Variants in KLHL36 observed in about 807,000 individuals in gnomAD.
KLHL36 encodes the protein kelch-like protein 36.
KLHL36 carries 35 observed loss-of-function variants against 53.3 expected under a neutral mutation model. The observed-to-expected ratio is 0.66, with a 90% CI of 0.50 to 0.87. The LOEUF (loss-of-function observed/expected upper bound fraction) is 0.87, where lower values mean the gene tolerates loss of function less well. Among genes scored for constraint, KLHL36 ranks in the 40% least tolerant of loss-of-function variants. KLHL36 has a pLI of 0.00. For missense variants in KLHL36, 864 were observed against 897.6 expected (o/e 0.96, Z 0.48); for synonymous variants, 472 against 398.9 (o/e 1.18, Z -2.18).
chr16:84,655,357 T>A (rs1907139042), intron 2 of KLHL36, among the ~76,000 whole-genome samples: 1 of 152,186 alleles, frequency 6.6e-6, no homozygotes, highest in Non-Finnish European at 1.5e-5. Flanking sequence ...AGGACACATG[T>A]TAAGAAGCAA....
rs775391996 is a variant in KLHL36 at position 84,661,903 on chromosome 16, G to T, written c.1621G>T (p.Val541Leu). ...GCTGCACGCCAACAGCGAGTCGGGC[G>T]TGGCAGTGTGGGAGGGCCGCATCTA... ...PLLHANSESG[V>L]AVWEGRIYIL... is the part of the protein sequence containing the mutation. The change falls in exon 5 of 5, where the codon GTG (valine) becomes TTG (leucine). Residue 541 changes from valine (V) to leucine (L), a missense_variant. Coordinates refer to ENST00000564996, the MANE Select transcript of KLHL36 (RefSeq NM_024731.4). The surrounding 1 kb of genome is among the most constrained non-coding windows in gnomAD (Gnocchi z 7.9). The T allele has an allele frequency of 6.3e-7, 1 of 1,599,218 alleles. No individual in the cohort carries two copies. Among genetic ancestry groups the T allele is most frequent in the Admixed American group, 1.7e-5 (1 of 58,934 alleles).
chr16:84,653,859 A>AAG, intron 2 of KLHL36, among the ~76,000 whole-genome samples: 1 of 145,746 alleles, frequency 6.9e-6, no homozygotes, highest in African/African-American at 2.5e-5. Flanking sequence ...AAAAAAAAAA[A>AAG]GGGAACTCGT....
At chr16:84,652,104 C>T (rs1673851490) in intron 2 of KLHL36, among the ~76,000 whole-genome samples, 1 of 152,092 alleles carries the variant, frequency 6.6e-6, no homozygotes. Context: ...GAGGTCTCGC[C>T]GCTCGCTCAC....
Position 84,666,306 on chromosome 16 carries a change from C to T in KLHL36, c.*4173C>T, listed in dbSNP as rs141995318. On this transcript the variant is annotated 3_prime_UTR_variant, in exon 5 of 5. Transcript: ENST00000564996. The stretch of plus-strand genomic sequence containing the variant: ...ACAACAAATGGCAGCACCAGGACCT[C>T]GCCTCATGTGGCTTTGTCTTGGATC... 2 of 152,332 alleles carry T rather than the reference C, an allele frequency of 1.3e-5. No homozygotes were observed. The highest frequency in any genetic ancestry group is 1.9e-4 in the East Asian group (1 of 5,184). 9.4% of individuals were successfully genotyped at this position (152,332 alleles called of 1,614,324 possible).
At position 84,666,003 on chromosome 16, in the gene KLHL36, A is replaced by T. The variant is rs1313234326; in HGVS notation, c.*3870A>T. 6.6e-6 allele frequency: 1 copy of T among 152,066 alleles called. No homozygotes were observed. Among genetic ancestry groups the T allele is most frequent in the Non-Finnish European group, 1.5e-5 (1 of 68,038 alleles). 9.4% of individuals were successfully genotyped at this position (152,066 alleles called of 1,614,324 possible). On this transcript the variant is annotated 3_prime_UTR_variant, in exon 5 of 5. Transcript: ENST00000564996. ...CCCAAACCTGGAGGGGCAGCTGCAG[A>T]TGAGGTTTAGACCTCCTGGTGTCTC...
Position 84,657,668 on chromosome 16 carries a change from C to T in KLHL36, c.861C>T (p.Arg287=). 1.2e-6 allele frequency: 2 copies of T among 1,612,496 alleles called. No individual in the cohort carries two copies. The highest frequency in any genetic ancestry group is 1.7e-5 in the Admixed American group (1 of 59,994). ...LAAQPVMQTK[R]TALRTNQERL... is the part of the protein sequence containing the mutation. ...CCCAGCCCGTCATGCAGACCAAGCG[C>T]ACGGCGCTGCGCACCAACCAGGAGC... The change falls in exon 3 of 5, where the codon CGC becomes CGT. Residue 287 remains arginine (R), a synonymous_variant. Transcript: ENST00000564996.
At position 84,657,505 on chromosome 16, in the gene KLHL36, A is replaced by G. The variant is rs1490652650; in HGVS notation, c.698A>G (p.Glu233Gly). The G allele has an allele frequency of 8.1e-6, 13 of 1,609,280 alleles. No individual in the cohort carries two copies. Among genetic ancestry groups the G allele is most frequent in the Non-Finnish European group, 1.0e-5 (12 of 1,179,880 alleles). ...GAGGCCCACGCCCGCCAGGTGCTGG[A>G]GAACATCCACTTCCCGCTCATCCCC... Reference protein sequence around the residue: ...EREAHARQVLENIHFPLIPKN... With the variant: ...EREAHARQVLGNIHFPLIPKN... Residue 233 changes from glutamate (E) to glycine (G), a missense_variant, in exon 3 of 5, where the codon GAG (glutamate) becomes GGG (glycine). Transcript: ENST00000564996.
In KLHL36 at chr16:84,662,879, G is replaced by A. The variant is rs941052565; in HGVS notation, c.*746G>A. 5 of 151,518 alleles carry A rather than the reference G, an allele frequency of 3.3e-5. No homozygotes were observed. Among genetic ancestry groups the A allele is most frequent in the Admixed American group, 6.6e-5 (1 of 15,228 alleles). The allele number at this position is 151,518 out of a possible 1,614,324, so 9.4% of individuals were successfully genotyped here. ...TGGAAACCTTCTTGAATTCTAAAAC[G>A]TTACAGGTAACCAAAAACGAAAAAA... On this transcript the variant is annotated 3_prime_UTR_variant, in exon 5 of 5. Transcript: ENST00000564996.
chr16:84,652,997 C>G (rs866667011), intron 2 of KLHL36, among the ~76,000 whole-genome samples: 3 of 152,118 alleles, frequency 2.0e-5, no homozygotes, highest in Non-Finnish European at 4.4e-5. Context: ...GCGGGAGGAT[C>G]TCGTAAGCTC....
intron 2 of KLHL36, among the ~76,000 whole-genome samples, chr16:84,655,007 T>G (rs1907118453): frequency 1.3e-5 from 2 of 152,262 alleles, no homozygotes; most frequent in East Asian, 1.9e-4. Flanking sequence ...GAGAAAAAAT[T>G]TAAAAGCCCG....
At position 84,662,071 on chromosome 16, in the gene KLHL36, C is replaced by T. The variant is rs779185821; in HGVS notation, c.1789C>T (p.Pro597Ser). 13 of 1,577,156 alleles carry T rather than the reference C, an allele frequency of 8.2e-6. No homozygotes were observed. In the South Asian group the frequency reaches 1.5e-4, roughly 18 times the overall value. Residue 597 changes from proline (P) to serine (S), a missense_variant, in exon 5 of 5, where the codon CCA becomes TCA. Transcript: ENST00000564996. Reference sequence around the variant, plus strand: ...GTCCGCCTGTGTCTGCGCCCTGGAGCCACGGCCAGAGGACAAGAAGAAGAA... The same window carrying T: ...GTCCGCCTGTGTCTGCGCCCTGGAGTCACGGCCAGAGGACAAGAAGAAGAA... ...GGSACVCALEPRPEDKKKKGK... is the reference protein window; with the variant it reads ...GGSACVCALESRPEDKKKKGK...
chr16:84,664,070 C>T lies in KLHL36; in HGVS notation c.*1937C>T, dbSNP rs778555305. The T allele has an allele frequency of 6.6e-6, 1 of 152,204 alleles. No homozygotes were observed. Among genetic ancestry groups the T allele is most frequent in the Non-Finnish European group, 1.5e-5 (1 of 68,048 alleles). 9.4% of individuals were successfully genotyped at this position (152,204 alleles called of 1,614,324 possible). On this transcript the variant is annotated 3_prime_UTR_variant, in exon 5 of 5. Transcript: ENST00000564996. ...TGAAAGGTTCCGAGAAGTCTCAACCCAGCATTTCCAAACTTCTTTGAGCCT... is the reference window on the plus strand; with the variant it reads ...TGAAAGGTTCCGAGAAGTCTCAACCTAGCATTTCCAAACTTCTTTGAGCCT...
chr16:84,649,568 C>T (rs576834719), intron 1 of KLHL36, among the ~76,000 whole-genome samples: 12 of 151,790 alleles, frequency 7.9e-5, no homozygotes, highest in African/African-American at 2.9e-4. Context: ...TCTTCCCTCT[C>T]TGGGCTCTCC....
rs1238929870 is a variant in KLHL36, at chr16:84,665,517, G to C, written c.*3384G>C. The C allele has an allele frequency of 2.6e-5, 4 of 152,208 alleles. No individual in the cohort carries two copies. The highest frequency in any genetic ancestry group is 4.1e-4 in the South Asian group (2 of 4,834). 9.4% of individuals were successfully genotyped at this position (152,208 alleles called of 1,614,324 possible). ...GAGATTATTTTATCAACTGTGGTTA[G>C]CACGCAATTGGTATTTTTATTGTTC... is the stretch of plus-strand genomic sequence containing the variant. On this transcript the variant is annotated 3_prime_UTR_variant, in exon 5 of 5. Transcript: ENST00000564996.
At chr16:84,651,273 C>T (rs1906858410) in intron 2 of KLHL36, among the ~76,000 whole-genome samples, 1 of 152,176 alleles carries the variant, frequency 6.6e-6, no homozygotes, top group African/African-American at 2.4e-5. Flanking sequence ...GGCTCAAAAA[C>T]TCCAAGGACA....
rs373683308 is a variant in KLHL36 at position 84,661,991 on chromosome 16, G to C, written c.1709G>C (p.Arg570Pro). ...AFSKTVQVYD[R>P]EADKWSRGVD... ...TCCAAGACCGTGCAGGTGTACGACC[G>C]CGAGGCCGACAAGTGGAGCAGGGGC... The change falls in exon 5 of 5, where the codon CGC (arginine) becomes CCC (proline). Residue 570 changes from arginine (R) to proline (P), a missense_variant. Transcript: ENST00000564996. This position sits in a 1 kb window ranked among gnomAD's most constrained non-coding sequence, Gnocchi z 7.9. 6.3e-7 allele frequency: 1 copy of C among 1,594,818 alleles called. No homozygotes were observed. Among genetic ancestry groups the C allele is most frequent in the Non-Finnish European group, 8.5e-7 (1 of 1,172,154 alleles).
In KLHL36 at chr16:84,663,974, C is replaced by A. The variant is rs1227113377; in HGVS notation, c.*1841C>A. The A allele has an allele frequency of 6.6e-6, 1 of 152,194 alleles. No individual in the cohort carries two copies. Among genetic ancestry groups the A allele is most frequent in the African/African-American group, 2.4e-5 (1 of 41,440 alleles). The allele number at this position is 152,194 out of a possible 1,614,324, so 9.4% of individuals were successfully genotyped here. A position where few individuals can be genotyped will look rare whatever the true frequency, so the allele number is the denominator to read the frequency against. On this transcript the variant is annotated 3_prime_UTR_variant, in exon 5 of 5. Transcript: ENST00000564996. ...GAGGCTTACAAACTGTTGAGAGGTTCTGCGAGGCATACAAACAAACAGACC... is the reference window on the plus strand; with the variant it reads ...GAGGCTTACAAACTGTTGAGAGGTTATGCGAGGCATACAAACAAACAGACC...
intron 2 of KLHL36, among the ~76,000 whole-genome samples, chr16:84,654,104 A>G (rs1907064648): frequency 6.6e-6 from 1 of 151,902 alleles, no homozygotes; most frequent in South Asian, 2.1e-4. Flanking sequence ...CCCTTTTGAC[A>G]CTGCAGTCTG....
intron 1 of KLHL36, chr16:84,649,002 A>G (rs1381119170): frequency 6.6e-6 from 1 of 152,224 alleles, no homozygotes; most frequent in Non-Finnish European, 1.5e-5. Context: ...AGCGAACGAC[A>G]GCGGCGTCCC....
Sources: gnomAD v4.1 joint callset for allele counts (sites outside exome capture counted in the v4.1 genomes callset) on GRCh38, gnomAD v4.1.1 for gene constraint, Gnocchi (gnomAD v3.1) non-coding constraint, MANE v1.5 for transcripts, NCBI Gene and HGNC (gene_info 2026-07-23, HGNC 2026-07-21) for gene names.